Variants in ERC2 observed in about 807,000 individuals in gnomAD.
The protein encoded by ERC2 is ERC protein 2.
A neutral mutation model predicts 114.8 loss-of-function variants in ERC2; 42 were observed. The observed-to-expected ratio is 0.37, with a 90% CI of 0.29 to 0.47. The LOEUF (loss-of-function observed/expected upper bound fraction) is 0.47. ERC2 is among the 20% of genes least tolerant of loss of function. ERC2 has a pLI of 0.99. For synonymous variants in ERC2, 454 were observed against 425.5 expected, an observed-to-expected ratio of 1.07 and a Z score of -0.82; for missense variants, 939 against 1,150.7, an observed-to-expected ratio of 0.82 and a Z score of 2.66.
intron 3 of ERC2, among the ~76,000 whole-genome samples, chr3:56,291,856 T>A (rs1407156292): frequency 6.6e-6 from 1 of 151,840 alleles, no homozygotes; most frequent in African/African-American, 2.4e-5. Flanking sequence ...ACAAAGTACA[T>A]TCTAAAACTC....
intron 3 of ERC2, 93 bp downstream of exon 3, chr3:56,295,926 G>A: frequency 1.5e-6 from 2 of 1,336,368 alleles, no homozygotes; most frequent in Non-Finnish European, 2.0e-6. Flanking sequence ...ATTTTGTTAA[G>A]GATGTAGATA....
At chr3:56,340,378 A>G (rs955090472) in intron 2 of ERC2, among the ~76,000 whole-genome samples, 6 of 152,200 alleles carry the variant, frequency 3.9e-5, no homozygotes, top group African/African-American at 1.4e-4. Context: ...CCAGTGATAA[A>G]GCACTTGTAC....
Position 55,622,859 on chromosome 3 carries a change from C to G in ERC2, c.*39+60935G>C, listed in dbSNP as rs556121175. Among the ~76,000 whole-genome samples the G allele has an allele frequency of 3.2e-4, 49 of 152,130 alleles. 1 individual carries two copies. The South Asian group carries it at 1.0e-2, about 31-fold the overall frequency. On this transcript the variant is annotated intron_variant, in intron 17 of 17. Transcript: ENST00000288221. ...GAGGGCTCCAGTTCCATCTGCCATG[C>G]AAACGTCAAGTTGGTTCCGACCGAG...
chr3:55,531,073 C>T (rs1332380637), intron 17 of ERC2, among the ~76,000 whole-genome samples: 1 of 152,016 alleles, frequency 6.6e-6, no homozygotes, highest in Non-Finnish European at 1.5e-5. Context: ...CCTTTCATTC[C>T]TTTGATGGTT....
chr3:55,956,685 T>A (rs962406708), intron 12 of ERC2, among the ~76,000 whole-genome samples: 11 of 152,156 alleles, frequency 7.2e-5, no homozygotes, highest in Admixed American at 6.5e-4. Flanking sequence ...AGCTCCAGGA[T>A]AAGCCAGATC....
At chr3:56,400,236 A>G (rs1696688150) in intron 2 of ERC2, among the ~76,000 whole-genome samples, 1 of 152,152 alleles carries the variant, frequency 6.6e-6, no homozygotes, top group Admixed American at 6.5e-5. Context: ...AAAATATTAG[A>G]TGAGGAGCTG....
At chr3:55,742,474 T>A (rs1406435299) in intron 14 of ERC2, among the ~76,000 whole-genome samples, 1 of 152,242 alleles carries the variant, frequency 6.6e-6, no homozygotes, top group Non-Finnish European at 1.5e-5. Context: ...GACCCATCTT[T>A]AGGAATGCAT....
rs182610509 is a variant in ERC2, at chr3:56,434,514, C to T, written c.494G>A (p.Arg165Gln). The T allele has an allele frequency of 1.1e-5, 17 of 1,613,958 alleles. No homozygotes were observed. The highest frequency in any genetic ancestry group is 5.0e-5 in the Admixed American group (3 of 60,018). Residue 165 changes from arginine to glutamine, a missense_variant, in exon 2 of 18, where the codon CGG (arginine) becomes CAG (glutamine). Arg to Gln is a conservative substitution (Grantham distance 43). This residue lies in a region of ERC2 where 281 missense variants were observed against 307.4 expected (regional missense o/e 0.91). Transcript: ENST00000288221. ...KELQRENDLL[R>Q]KELDIKDSKL... is the part of the protein sequence containing the mutation. ...GCTGTCCTTGATGTCTAGCTCTTTC[C>T]GGAGGAGGTCATTCTCTCTCTGCAG...
chr3:55,888,512 T>C lies in ERC2; in HGVS notation c.2441A>G (p.Gln814Arg). The stretch of plus-strand genomic sequence containing the variant: ...GCGTGCTTTGGTGGCATCCAGTTCC[T>C]GTCTGGTCTTCTCCAGTGCATTCAT... ...ELMNALEKTR[Q>R]ELDATKARLA... The change falls in exon 14 of 18, where the codon CAG becomes CGG. Residue 814 changes from glutamine (Q) to arginine (R), a missense_variant. By Grantham distance (43) the Gln-to-Arg change is conservative. Transcript: ENST00000288221. 6.2e-6 allele frequency: 10 copies of C among 1,613,914 alleles called. No homozygotes were observed. The South Asian group carries it at 9.9e-5, about 16-fold the overall frequency.
rs1424246639 is a variant in ERC2 at position 55,510,762 on chromosome 3, G to A, written c.*554C>T. ...TTCGTCAAACACTCCATGCATCATG[G>A]TATACAAACACTGCCAACACCACTC... is the stretch of plus-strand genomic sequence containing the variant. On this transcript the variant is annotated 3_prime_UTR_variant, in exon 18 of 18. Coordinates refer to ENST00000288221, the MANE Select transcript of ERC2 (RefSeq NM_015576.3). 3 of 152,240 alleles carry A rather than the reference G, an allele frequency of 2.0e-5. No individual in the cohort carries two copies. The highest frequency in any genetic ancestry group is 4.8e-5 in the African/African-American group (2 of 41,398). 9.4% of individuals were successfully genotyped at this position (152,240 alleles called of 1,614,324 possible).
chr3:56,263,269 A>G (rs1475238716), intron 3 of ERC2, among the ~76,000 whole-genome samples: 1 of 151,928 alleles, frequency 6.6e-6, no homozygotes, highest in East Asian at 1.9e-4. Context: ...CCCCATGAAG[A>G]GCAACAATTC....
intron 14 of ERC2, among the ~76,000 whole-genome samples, chr3:55,741,833 C>T (rs377122298): frequency 1.3e-5 from 2 of 152,218 alleles, no homozygotes; most frequent in African/African-American, 4.8e-5. Flanking sequence ...GAATGCCAAG[C>T]TAAGAAAGTG....
intron 14 of ERC2, among the ~76,000 whole-genome samples, chr3:55,795,160 T>C (rs919791252): frequency 6.6e-6 from 1 of 152,202 alleles, no homozygotes; most frequent in Admixed American, 6.5e-5. Flanking sequence ...TGTTTTAAAA[T>C]AATGTTCCAC....
At chr3:56,349,892 G>A (rs142049153) in intron 2 of ERC2, among the ~76,000 whole-genome samples, 2,966 of 146,818 alleles carry the variant, frequency 0.02, 49 homozygotes, top group Middle Eastern at 0.05. Flanking sequence ...CAGCCTGGGC[G>A]AGACAGCAAG....
intron 7 of ERC2, among the ~76,000 whole-genome samples, chr3:56,021,723 C>T (rs2073725767): frequency 6.6e-6 from 1 of 152,172 alleles, no homozygotes; most frequent in Non-Finnish European, 1.5e-5. Context: ...TCCCTCCTCC[C>T]ACCTTCCCCA....
At chr3:55,988,739 G>T (rs1490360602) in intron 11 of ERC2, among the ~76,000 whole-genome samples, 1 of 152,124 alleles carries the variant, frequency 6.6e-6, no homozygotes, top group Non-Finnish European at 1.5e-5. Flanking sequence ...TTCAATTTTT[G>T]GTTTTCAAAA....
chr3:55,608,465 T>C (rs1048859633), intron 17 of ERC2, among the ~76,000 whole-genome samples: 2 of 152,204 alleles, frequency 1.3e-5, no homozygotes, highest in African/African-American at 2.4e-5. Flanking sequence ...CCACTGCTCA[T>C]TAACTTCAGA....
chr3:56,451,118 TAAA>T (rs1367085165), intron 1 of ERC2, among the ~76,000 whole-genome samples: 1 of 151,992 alleles, frequency 6.6e-6, no homozygotes. Flanking sequence ...ATAGTATACT[TAAA>T]AAAAGAATAT....
chr3:56,206,202 T>TAC (rs56400890), intron 3 of ERC2, among the ~76,000 whole-genome samples: 93 of 141,978 alleles, frequency 6.6e-4, no homozygotes, highest in African/African-American at 9.4e-4. Flanking sequence ...CACACACACA[T>TAC]ACACACACAC....
Sources: gnomAD v4.1 joint callset for allele counts (sites outside exome capture counted in the v4.1 genomes callset) on GRCh38, gnomAD v4.1.1 for gene constraint, gnomAD v4.1.1 regional missense constraint, MANE v1.5 for transcripts, NCBI Gene and HGNC (gene_info 2026-07-23, HGNC 2026-07-21) for gene names.